Variants in EFNA5 observed in about 807,000 individuals in gnomAD.
EFNA5 encodes ephrin-A5.
In EFNA5, 5 loss-of-function variants were observed where a neutral mutation model predicts 22.9. The ratio of observed to expected loss-of-function variants is 0.22; its 90% CI spans 0.11 to 0.46. The LOEUF is 0.46. Among genes scored for constraint, EFNA5 ranks in the 20% least tolerant of loss-of-function variants. The pLI, the probability that EFNA5 is intolerant of heterozygous loss-of-function variation, is 0.99. For synonymous variants in EFNA5, 113 were observed against 112.2 expected (o/e 1.01, Z -0.04); for missense variants, 237 against 293.3 (o/e 0.81, Z 1.40).
chr5:107,656,487 C>G (rs920713530), intron 1 of EFNA5, among the ~76,000 whole-genome samples: 2 of 152,118 alleles, frequency 1.3e-5, no homozygotes, highest in African/African-American at 4.8e-5. Context: ...AAATTCAACT[C>G]TTCTGTGATG....
intron 1 of EFNA5, among the ~76,000 whole-genome samples, chr5:107,625,333 T>C (rs989016331): frequency 6.6e-6 from 1 of 151,942 alleles, no homozygotes; most frequent in African/African-American, 2.4e-5. Flanking sequence ...CTACCACCAA[T>C]AAGTAAGAAA....
chr5:107,483,670 G>GTTTTATC (rs1750544646), intron 1 of EFNA5, among the ~76,000 whole-genome samples: 1 of 152,134 alleles, frequency 6.6e-6, no homozygotes, highest in South Asian at 2.1e-4. Flanking sequence ...ACTTACAAAA[G>GTTTTATC]TTTTATCTTA....
At position 107,666,675 on chromosome 5, in the gene EFNA5, G is replaced by A. The variant is rs530871720; in HGVS notation, c.125+3814C>T. Among the ~76,000 whole-genome samples the A allele has an allele frequency of 9.9e-5, 15 of 152,230 alleles. No individual in the cohort carries two copies. The East Asian group carries it at 1.5e-3, about 16-fold the overall frequency. ...GGACGACTGGTATTCCTAAAAGTGTGTTGGTCATATTTGCTGCTGTATTAT... is the reference window on the plus strand; with the variant it reads ...GGACGACTGGTATTCCTAAAAGTGTATTGGTCATATTTGCTGCTGTATTAT... On this transcript the variant is annotated intron_variant, in intron 1 of 4. Transcript: ENST00000333274.
rs73781144 is a variant in EFNA5, at chr5:107,627,004, T to C, written c.125+43485A>G. On this transcript the variant is annotated intron_variant, in intron 1 of 4. Transcript: ENST00000333274. The stretch of plus-strand genomic sequence containing the variant: ...GGCTAATATTGTAAGATTTTCTGTG[T>C]AGTATCATCAAATTTAATAATTCCT... 6.7e-3 allele frequency among the ~76,000 whole-genome samples: 1,022 copies of C among 152,316 alleles called. 15 individuals carry two copies. Among genetic ancestry groups the C allele is most frequent in the African/African-American group, 0.022 (913 of 41,572 alleles).
At chr5:107,543,486 C>T (rs564084986) in intron 1 of EFNA5, among the ~76,000 whole-genome samples, 4 of 152,314 alleles carry the variant, frequency 2.6e-5, no homozygotes, top group African/African-American at 9.6e-5. Flanking sequence ...CAAAGAACAT[C>T]TTGGCAAGGG....
chr5:107,399,600 G>C (rs967541456), intron 2 of EFNA5, among the ~76,000 whole-genome samples: 3 of 152,124 alleles, frequency 2.0e-5, no homozygotes, highest in Non-Finnish European at 4.4e-5. Flanking sequence ...AGGTGGCTCT[G>C]GACAATCATG....
intron 2 of EFNA5, among the ~76,000 whole-genome samples, chr5:107,421,836 G>C (rs1304421062): frequency 6.6e-6 from 1 of 150,594 alleles, no homozygotes; most frequent in Non-Finnish European, 1.5e-5. Context: ...TTGTTGCCCA[G>C]GCTGGAGTGC....
Position 107,548,923 on chromosome 5 carries a change from G to A in EFNA5, c.126-121414C>T, listed in dbSNP as rs1333393814. Among the ~76,000 whole-genome samples, 4 of 152,122 alleles carry A rather than the reference G, an allele frequency of 2.6e-5. No homozygotes were observed. The East Asian group carries it at 7.7e-4, about 29-fold the overall frequency. Reference sequence around the variant, plus strand: ...AAGATCCCCAAACCCTCCAGTGTCTGAATTAAGTAAAATGACACAATTCTC... The same window carrying A: ...AAGATCCCCAAACCCTCCAGTGTCTAAATTAAGTAAAATGACACAATTCTC... On this transcript the variant is annotated intron_variant, in intron 1 of 4. Transcript: ENST00000333274.
intron 1 of EFNA5, among the ~76,000 whole-genome samples, chr5:107,477,086 G>C (rs902754379): frequency 6.6e-6 from 1 of 152,102 alleles, no homozygotes; most frequent in Non-Finnish European, 1.5e-5. Flanking sequence ...AACTCAACAC[G>C]AAAGCCAGCT....
chr5:107,543,165 C>T (rs1433144817), intron 1 of EFNA5, among the ~76,000 whole-genome samples: 1 of 152,106 alleles, frequency 6.6e-6, no homozygotes, highest in Non-Finnish European at 1.5e-5. Context: ...CAGAGTTACA[C>T]AACAGCTGAT....
At chr5:107,383,373 T>TTTCAGCCTTGC (rs1411513213) in intron 4 of EFNA5, among the ~76,000 whole-genome samples, 1 of 152,198 alleles carries the variant, frequency 6.6e-6, no homozygotes, top group Non-Finnish European at 1.5e-5. Flanking sequence ...CTCTGCTCTT[T>TTTCAGCCTTGC]TTCAGCCTTG....
At chr5:107,559,309 T>C (rs1226748523) in intron 1 of EFNA5, among the ~76,000 whole-genome samples, 1 of 152,218 alleles carries the variant, frequency 6.6e-6, no homozygotes, top group African/African-American at 2.4e-5. Context: ...TCGTTGTGAC[T>C]CTTCTTCTTA....
In EFNA5 at chr5:107,427,382, C is replaced by T; in HGVS notation, c.253G>A (p.Asp85Asn). 6.2e-7 allele frequency: 1 copy of T among 1,614,052 alleles called. No individual in the cohort carries two copies. Among genetic ancestry groups the T allele is most frequent in the Admixed American group, 1.7e-5 (1 of 59,992 alleles). The change falls in exon 2 of 5, where the codon GAT becomes AAT. Residue 85 changes from aspartate (D) to asparagine (N), a missense_variant. Asp to Asn is a conservative substitution (Grantham distance 23). Transcript: ENST00000333274. ...GTGTGGTCGCAGGCACTGTAGCCAT[C>T]AAAGTTCACCATGTAGAGGACATAG... is the stretch of plus-strand genomic sequence containing the variant. ...ERYVLYMVNF[D>N]GYSACDHTSK... is the part of the protein sequence containing the mutation.
intron 1 of EFNA5, among the ~76,000 whole-genome samples, chr5:107,451,772 G>A (rs1323244103): frequency 2.6e-5 from 4 of 152,128 alleles, no homozygotes; most frequent in South Asian, 2.1e-4. Flanking sequence ...TTCCACTGTT[G>A]GTAGGAGGGT....
At chr5:107,554,220 TA>T (rs1209333267) in intron 1 of EFNA5, among the ~76,000 whole-genome samples, 35 of 152,242 alleles carry the variant, frequency 2.3e-4, no homozygotes, top group African/African-American at 8.2e-4. Flanking sequence ...TGAGACATTT[TA>T]TTTTTTTCCA....
At chr5:107,476,187 G>C (rs559513169) in intron 1 of EFNA5, among the ~76,000 whole-genome samples, 151 of 149,406 alleles carry the variant, frequency 1.0e-3, no homozygotes, top group African/African-American at 3.5e-3. Context: ...GAGTAGCTGG[G>C]GTTACAGGCA....
At chr5:107,389,119 G>C (rs1311341561) in intron 2 of EFNA5, among the ~76,000 whole-genome samples, 1 of 152,182 alleles carries the variant, frequency 6.6e-6, no homozygotes. Flanking sequence ...AAAGTGTAGA[G>C]AAAAAGTGTT....
chr5:107,413,329 C>A (rs900159373), intron 2 of EFNA5, among the ~76,000 whole-genome samples: 1 of 152,112 alleles, frequency 6.6e-6, no homozygotes, highest in African/African-American at 2.4e-5. Context: ...TGATTAAGTA[C>A]AGATCACTGT....
At chr5:107,555,976 C>T (rs561369176) in intron 1 of EFNA5, among the ~76,000 whole-genome samples, 6 of 152,302 alleles carry the variant, frequency 3.9e-5, no homozygotes, top group South Asian at 2.1e-4. Context: ...GCAAATTGCA[C>T]GACACAGTCT....
Sources: allele counts gnomAD v4.1 joint callset (sites outside exome capture counted in the v4.1 genomes callset), GRCh38; gene constraint gnomAD v4.1.1; transcripts MANE v1.5; gene names NCBI Gene and HGNC (gene_info 2026-07-23, HGNC 2026-07-21).